CTNNA3: variants seen among roughly 807,000 people sequenced by gnomAD.
CTNNA3 encodes the protein catenin alpha 3, also known as catenin alpha-3.
In CTNNA3, 76 loss-of-function variants were observed where a neutral mutation model predicts 95.7. That is an observed-to-expected ratio of 0.79 (90% confidence interval 0.66 to 0.96). CTNNA3 has a LOEUF of 0.96. CTNNA3 is among the 40% of genes least tolerant of loss of function. CTNNA3 has a pLI of 0.00. For synonymous variants in CTNNA3, 431 were observed against 374.4 expected, an observed-to-expected ratio of 1.15 and a Z score of -1.74; for missense variants, 1,191 against 1,089.8, an observed-to-expected ratio of 1.09 and a Z score of -1.31.
chr10:67,253,759 A>G (rs1013381350), intron 5 of CTNNA3, among the ~76,000 whole-genome samples: 5 of 152,186 alleles, frequency 3.3e-5, no homozygotes, highest in African/African-American at 1.2e-4. Context: ...ATGAAAAACG[A>G]TGGTGATGAT....
chr10:66,558,164 T>C (rs1184469079), intron 10 of CTNNA3, among the ~76,000 whole-genome samples: 2 of 152,030 alleles, frequency 1.3e-5, no homozygotes, highest in African/African-American at 4.8e-5. Flanking sequence ...AGGCTGCAGG[T>C]ACATTTGGAC....
At chr10:65,967,115 C>T (rs1564546511) in intron 16 of CTNNA3, among the ~76,000 whole-genome samples, 1 of 151,762 alleles carries the variant, frequency 6.6e-6, no homozygotes, top group Non-Finnish European at 1.5e-5. Flanking sequence ...CGCCACCACA[C>T]CTGGCTAATT....
Position 67,185,377 on chromosome 10 carries a change from C to T in CTNNA3, c.844-4857G>A, listed in dbSNP as rs190808329. On this transcript the variant is annotated intron_variant, in intron 6 of 17. Transcript: ENST00000433211. ...TCTTGACCACATGATCCGCCTGCCT[C>T]GGCCTCCCAAAGTGCTGGGATTACA... is the stretch of plus-strand genomic sequence containing the variant. 9.9e-5 allele frequency among the ~76,000 whole-genome samples: 15 copies of T among 152,174 alleles called. No homozygotes were observed. The South Asian group carries it at 1.5e-3, about 15-fold the overall frequency.
chr10:67,658,639 T>C (rs1840094450), intron 1 of CTNNA3, among the ~76,000 whole-genome samples: 1 of 152,168 alleles, frequency 6.6e-6, no homozygotes, highest in Admixed American at 6.5e-5. Flanking sequence ...ACATTCCTAA[T>C]GCACAACAGC....
intron 7 of CTNNA3, among the ~76,000 whole-genome samples, chr10:66,935,575 C>T (rs1162858942): frequency 1.3e-5 from 2 of 151,848 alleles, no homozygotes; most frequent in Non-Finnish European, 2.9e-5. Context: ...TGGCAGAGGA[C>T]ATATTACATA....
chr10:66,921,047 G>T (rs1202124967), intron 7 of CTNNA3, among the ~76,000 whole-genome samples: 1 of 152,092 alleles, frequency 6.6e-6, no homozygotes, highest in Non-Finnish European at 1.5e-5. Flanking sequence ...TATCCTGGGT[G>T]GTTTAAACAG....
At chr10:67,399,351 T>C (rs1844833683) in intron 5 of CTNNA3, among the ~76,000 whole-genome samples, 1 of 152,218 alleles carries the variant, frequency 6.6e-6, no homozygotes, top group Non-Finnish European at 1.5e-5. Context: ...TAGCATTTTA[T>C]CAGCATTTTT....
At chr10:67,308,044 C>G (rs1037012072) in intron 5 of CTNNA3, among the ~76,000 whole-genome samples, 1 of 152,140 alleles carries the variant, frequency 6.6e-6, no homozygotes, top group African/African-American at 2.4e-5. Context: ...GCTACTCTAC[C>G]CTACATGTGT....
chr10:66,889,965 AT>A, intron 7 of CTNNA3, among the ~76,000 whole-genome samples: 1 of 151,976 alleles, frequency 6.6e-6, no homozygotes, highest in African/African-American at 2.4e-5. Flanking sequence ...TAATTTTTGT[AT>A]TTTTAGTAGA....
At chr10:66,496,054 G>C (rs1049441179) in intron 11 of CTNNA3, among the ~76,000 whole-genome samples, 2 of 152,126 alleles carry the variant, frequency 1.3e-5, no homozygotes, top group African/African-American at 2.4e-5. Context: ...TATTAGCATA[G>C]AGTGATAGAT....
intron 7 of CTNNA3, among the ~76,000 whole-genome samples, chr10:66,933,546 T>C (rs1202899660): frequency 6.6e-6 from 1 of 152,162 alleles, no homozygotes; most frequent in Non-Finnish European, 1.5e-5. Context: ...CAAAAAGTAA[T>C]TGCATATAAC....
chr10:66,070,937 G>A (rs2080422306), intron 14 of CTNNA3, among the ~76,000 whole-genome samples: 1 of 152,114 alleles, frequency 6.6e-6, no homozygotes, highest in Non-Finnish European at 1.5e-5. Flanking sequence ...GCAATAGTTT[G>A]CAAAATTAAA....
At chr10:66,548,815 G>A (rs190461391) in intron 10 of CTNNA3, among the ~76,000 whole-genome samples, 9 of 151,636 alleles carry the variant, frequency 5.9e-5, no homozygotes, top group Admixed American at 3.9e-4. Flanking sequence ...TTTCTAGTTG[G>A]TCATAACATA....
chr10:66,652,080 G>T, intron 9 of CTNNA3, among the ~76,000 whole-genome samples: 1 of 102,002 alleles, frequency 9.8e-6, no homozygotes. Context: ...ATAAACAAAT[G>T]TTACACCTCA....
At chr10:67,119,039 G>A (rs1859336918) in intron 7 of CTNNA3, among the ~76,000 whole-genome samples, 1 of 151,764 alleles carries the variant, frequency 6.6e-6, no homozygotes, top group African/African-American at 2.4e-5. Context: ...GACTGTTTGG[G>A]ACTAAGAAAG....
intron 7 of CTNNA3, among the ~76,000 whole-genome samples, chr10:66,780,310 T>A (rs1159609358): frequency 6.6e-6 from 1 of 152,086 alleles, no homozygotes; most frequent in East Asian, 1.9e-4. Flanking sequence ...AAGCATTAAA[T>A]GGTCACAGTA....
At chr10:67,329,897 C>T (rs1399011886) in intron 5 of CTNNA3, among the ~76,000 whole-genome samples, 1 of 152,198 alleles carries the variant, frequency 6.6e-6, no homozygotes, top group Non-Finnish European at 1.5e-5. Context: ...TACCTAGGAA[C>T]CCAGGCGTCT....
chr10:66,910,996 A>C (rs1846198284), intron 7 of CTNNA3, among the ~76,000 whole-genome samples: 1 of 152,164 alleles, frequency 6.6e-6, no homozygotes, highest in South Asian at 2.1e-4. Context: ...GCCTAACCAA[A>C]TTTCAAACAA....
chr10:67,046,903 T>C (rs1854787743), intron 7 of CTNNA3, among the ~76,000 whole-genome samples: 3 of 152,152 alleles, frequency 2.0e-5, no homozygotes, highest in South Asian at 2.1e-4. Flanking sequence ...TCCTTTTACA[T>C]TGATGACTTA....
Sources: allele counts gnomAD v4.1 joint callset (sites outside exome capture counted in the v4.1 genomes callset), GRCh38; gene constraint gnomAD v4.1.1; transcripts MANE v1.5; gene names NCBI Gene and HGNC (gene_info 2026-07-23, HGNC 2026-07-21).